Variants in CNBD1 observed in about 807,000 individuals in gnomAD.
CNBD1 encodes cyclic nucleotide binding domain containing 1.
In CNBD1, 71 loss-of-function variants were observed where a neutral mutation model predicts 54.4. The ratio of observed to expected loss-of-function variants is 1.30; its 90% CI spans 1.08 to 1.59. CNBD1 has a LOEUF of 1.59. CNBD1 is among the 40% of genes most tolerant of loss of function. CNBD1 has a pLI of 0.00. For missense variants in CNBD1, 659 were observed against 518.0 expected, an observed-to-expected ratio of 1.27 and a Z score of -2.64; for synonymous variants, 182 against 170.7, an observed-to-expected ratio of 1.07 and a Z score of -0.51.
intron 2 of CNBD1, among the ~76,000 whole-genome samples, chr8:86,904,272 A>G (rs187538924): frequency 4.1e-4 from 63 of 152,178 alleles, no homozygotes; most frequent in Non-Finnish European, 8.5e-4. Flanking sequence ...ATAATTTTTT[A>G]TAATTATTGA....
At chr8:87,258,194 T>G (rs1401044940) in intron 6 of CNBD1, among the ~76,000 whole-genome samples, 1 of 152,116 alleles carries the variant, frequency 6.6e-6, no homozygotes, top group African/African-American at 2.4e-5. Flanking sequence ...GGAGGCCTAT[T>G]AAATATGTTA....
intron 4 of CNBD1, among the ~76,000 whole-genome samples, chr8:87,099,029 T>C (rs2130690281): frequency 9.0e-6 from 1 of 111,042 alleles, no homozygotes. Flanking sequence ...AGCAAGACTG[T>C]GTCTCAAAAA....
chr8:87,210,649 A>C (rs2130800977), intron 5 of CNBD1, among the ~76,000 whole-genome samples: 1 of 152,304 alleles, frequency 6.6e-6, no homozygotes, highest in Middle Eastern at 3.4e-3. Flanking sequence ...ACAAGCCATA[A>C]GCTTTGGTGG....
intron 4 of CNBD1, among the ~76,000 whole-genome samples, chr8:87,101,862 G>A (rs1442869042): frequency 6.6e-6 from 1 of 151,888 alleles, no homozygotes; most frequent in Non-Finnish European, 1.5e-5. Flanking sequence ...GATGCAGCTG[G>A]AGGTGAAGTG....
At chr8:87,287,212 T>G (rs1808715264) in intron 8 of CNBD1, among the ~76,000 whole-genome samples, 2 of 152,302 alleles carry the variant, frequency 1.3e-5, no homozygotes, top group Non-Finnish European at 2.9e-5. Flanking sequence ...ACGGATTTCC[T>G]GGATTATGTG....
intron 1 of CNBD1, among the ~76,000 whole-genome samples, chr8:86,887,114 C>T (rs1315507426): frequency 3.3e-5 from 5 of 151,952 alleles, no homozygotes; most frequent in East Asian, 3.9e-4. Flanking sequence ...TTGAATAGGC[C>T]GACATAAGTA....
intron 5 of CNBD1, among the ~76,000 whole-genome samples, chr8:87,235,399 A>G (rs1406127613): frequency 6.6e-6 from 1 of 152,114 alleles, no homozygotes; most frequent in Admixed American, 6.6e-5. Flanking sequence ...CTGTTGATTC[A>G]AAGTAAGAGA....
chr8:87,113,838 G>T (rs1811715858), intron 4 of CNBD1, among the ~76,000 whole-genome samples: 1 of 151,728 alleles, frequency 6.6e-6, no homozygotes, highest in East Asian at 1.9e-4. Flanking sequence ...AGAATGGCGT[G>T]AACCTGGGAG....
chr8:86,986,085 A>G, intron 4 of CNBD1, among the ~76,000 whole-genome samples: 1 of 151,754 alleles, frequency 6.6e-6, no homozygotes. Flanking sequence ...GCACACCATC[A>G]CGTCCATCTA....
Position 87,379,918 on chromosome 8 carries a change from A to G in CNBD1, c.1304-2702A>G, listed in dbSNP as rs188894306. On this transcript the variant is annotated intron_variant, in intron 10 of 10. Transcript: ENST00000518476. ...AGGAAAATACACGAGAAATACTTAA[A>G]TATGACCAAATGATTTACCAGAAAC... 3.9e-3 allele frequency among the ~76,000 whole-genome samples: 592 copies of G among 150,960 alleles called. 10 individuals are homozygous for G. Among genetic ancestry groups the G allele is most frequent in the African/African-American group, 0.014 (558 of 40,564 alleles).
chr8:87,417,371 G>A (rs1027937439), intron 2 of CNBD1, among the ~76,000 whole-genome samples: 1 of 151,964 alleles, frequency 6.6e-6, no homozygotes, highest in African/African-American at 2.4e-5. Context: ...AATTCAAGAT[G>A]AGATTTGGGT....
chr8:87,095,874 G>C (rs1811308439), intron 4 of CNBD1, among the ~76,000 whole-genome samples: 1 of 152,144 alleles, frequency 6.6e-6, no homozygotes, highest in Non-Finnish European at 1.5e-5. Context: ...TAGCCAGGAT[G>C]GTCTCGATCT....
rs189342441 is a variant in CNBD1, at chr8:87,363,008, C to G, written c.1303+9222C>G. ...TCCTAATGCTATCCCTCCTCTAGTACGCCCCACCCAACAGGCCCTGGTGTG... is the reference window on the plus strand; with the variant it reads ...TCCTAATGCTATCCCTCCTCTAGTAGGCCCCACCCAACAGGCCCTGGTGTG... On this transcript the variant is annotated intron_variant, in intron 10 of 10. Coordinates refer to ENST00000518476, the MANE Select transcript of CNBD1 (RefSeq NM_173538.3). 2.8e-3 allele frequency among the ~76,000 whole-genome samples: 429 copies of G among 152,040 alleles called. 1 individual carries two copies. Among genetic ancestry groups the G allele is most frequent in the African/African-American group, 9.9e-3 (409 of 41,498 alleles).
chr8:87,177,194 C>G (rs952326193), intron 4 of CNBD1, among the ~76,000 whole-genome samples: 1 of 151,918 alleles, frequency 6.6e-6, no homozygotes, highest in Non-Finnish European at 1.5e-5. Flanking sequence ...TCCCTTGGAG[C>G]AAATAGAGAA....
intron 3 of CNBD1, among the ~76,000 whole-genome samples, chr8:86,932,448 A>T (rs1485598693): frequency 6.6e-6 from 1 of 152,072 alleles, no homozygotes; most frequent in Non-Finnish European, 1.5e-5. Flanking sequence ...ACTAACAGGA[A>T]GGGGAGCTGT....
chr8:87,396,473 C>T (rs1041094755), intron 2 of CNBD1, among the ~76,000 whole-genome samples: 1 of 151,832 alleles, frequency 6.6e-6, no homozygotes, highest in East Asian at 1.9e-4. Flanking sequence ...CTATGTATGC[C>T]TGTGTTTCTT....
chr8:87,075,110 T>C (rs1293407334), intron 4 of CNBD1, among the ~76,000 whole-genome samples: 1 of 152,222 alleles, frequency 6.6e-6, no homozygotes, highest in African/African-American at 2.4e-5. Flanking sequence ...CCTGGAGCAC[T>C]ATGGCACATA....
chr8:87,376,153 C>G, intron 10 of CNBD1, among the ~76,000 whole-genome samples: 1 of 151,860 alleles, frequency 6.6e-6, no homozygotes, highest in East Asian at 1.9e-4. Flanking sequence ...GCTCTCAGTT[C>G]ATACTGCTTC....
intron 5 of CNBD1, among the ~76,000 whole-genome samples, chr8:87,224,092 TG>T (rs1169119762): frequency 2.6e-5 from 4 of 151,674 alleles, no homozygotes; most frequent in Non-Finnish European, 2.9e-5. Flanking sequence ...TGGGGTTGTT[TG>T]TTTTTTTCTT....
Sources: gnomAD v4.1 joint callset for allele counts (sites outside exome capture counted in the v4.1 genomes callset) on GRCh38, gnomAD v4.1.1 for gene constraint, MANE v1.5 for transcripts, NCBI Gene and HGNC (gene_info 2026-07-23, HGNC 2026-07-21) for gene names.